Variants in MACROD2 observed in about 807,000 individuals in gnomAD.
MACROD2 encodes the protein ADP-ribose glycohydrolase MACROD2.
Under a neutral mutation model 70.4 loss-of-function variants are expected in MACROD2, and 36 were observed. The ratio of observed to expected loss-of-function variants is 0.51; its 90% CI spans 0.39 to 0.68. The LOEUF is 0.68. MACROD2 is among the 30% of genes least tolerant of loss of function. The pLI, the probability that MACROD2 is intolerant of heterozygous loss-of-function variation, is 0.00. For missense variants in MACROD2, 496 were observed against 538.4 expected (o/e 0.92, Z 0.78); for synonymous variants, 172 against 178.8 (o/e 0.96, Z 0.30).
chr20:14,024,819 T>G (rs1214060859), intron 2 of MACROD2, among the ~76,000 whole-genome samples: 1 of 152,160 alleles, frequency 6.6e-6, no homozygotes, highest in Non-Finnish European at 1.5e-5. Flanking sequence ...TCAGGGATAT[T>G]GCCTGAAATT....
intron 5 of MACROD2, among the ~76,000 whole-genome samples, chr20:14,710,285 T>C (rs2071322634): frequency 6.6e-6 from 1 of 152,220 alleles, no homozygotes; most frequent in Admixed American, 6.5e-5. Context: ...GGTAAAGTTC[T>C]GCCCATATGA....
intron 5 of MACROD2, among the ~76,000 whole-genome samples, chr20:15,126,042 T>G (rs755953074): frequency 6.6e-6 from 1 of 151,538 alleles, no homozygotes; most frequent in African/African-American, 2.4e-5. Context: ...ATTAAAAATA[T>G]TCCATAGTAT....
intron 8 of MACROD2, among the ~76,000 whole-genome samples, chr20:15,583,364 G>T (rs1466558294): frequency 6.6e-6 from 1 of 152,228 alleles, no homozygotes; most frequent in Non-Finnish European, 1.5e-5. Context: ...CAAAGCTAAT[G>T]TCCCTGAAGT....
intron 6 of MACROD2, among the ~76,000 whole-genome samples, chr20:15,358,103 C>T (rs1457669612): frequency 3.9e-5 from 6 of 152,062 alleles, no homozygotes; most frequent in Admixed American, 2.6e-4. Flanking sequence ...CCACCGCGCC[C>T]GGCCCTCAGT....
At chr20:14,559,731 A>G (rs1244990630) in intron 4 of MACROD2, among the ~76,000 whole-genome samples, 9 of 151,780 alleles carry the variant, frequency 5.9e-5, no homozygotes, top group Non-Finnish European at 2.9e-5. Flanking sequence ...CTGACCTCCA[A>G]ATTTTTACAA....
chr20:15,197,681 G>A (rs1156739167), intron 5 of MACROD2, among the ~76,000 whole-genome samples: 2 of 152,046 alleles, frequency 1.3e-5, no homozygotes, highest in East Asian at 3.9e-4. Context: ...ATTTTGAGAA[G>A]TTTCCAATCT....
At chr20:15,526,236 T>A (rs1333807122) in intron 8 of MACROD2, among the ~76,000 whole-genome samples, 1 of 152,128 alleles carries the variant, frequency 6.6e-6, no homozygotes, top group Non-Finnish European at 1.5e-5. Context: ...ATTGTATCCC[T>A]CATTCCCTTG....
chr20:14,969,757 T>G (rs978998560), intron 5 of MACROD2, among the ~76,000 whole-genome samples: 1 of 152,166 alleles, frequency 6.6e-6, no homozygotes, highest in African/African-American at 2.4e-5. Context: ...TTATATTAGA[T>G]TCAGCTGGAT....
At chr20:15,599,878 G>A (rs531261049) in intron 8 of MACROD2, among the ~76,000 whole-genome samples, 1 of 152,178 alleles carries the variant, frequency 6.6e-6, no homozygotes, top group Non-Finnish European at 1.5e-5. Context: ...CCTTCTCCAT[G>A]GAATGCTTTT....
intron 2 of MACROD2, among the ~76,000 whole-genome samples, chr20:14,003,262 A>G (rs2052761691): frequency 6.6e-6 from 1 of 152,200 alleles, no homozygotes; most frequent in African/African-American, 2.4e-5. Context: ...TCTGAAGGGA[A>G]AGATTAGGCC....
intron 12 of MACROD2, among the ~76,000 whole-genome samples, chr20:15,947,140 C>T (rs564761233): frequency 2.6e-5 from 4 of 152,250 alleles, no homozygotes; most frequent in Admixed American, 6.5e-5. Flanking sequence ...GGTTTTATAC[C>T]GAGACATTCA....
intron 5 of MACROD2, among the ~76,000 whole-genome samples, chr20:15,118,084 C>T (rs981660099): frequency 6.6e-6 from 1 of 152,016 alleles, no homozygotes; most frequent in Non-Finnish European, 1.5e-5. Context: ...TGAAGATATA[C>T]TAGTGTAAGG....
chr20:15,244,135 T>C (rs561752962), intron 6 of MACROD2, among the ~76,000 whole-genome samples: 2 of 152,300 alleles, frequency 1.3e-5, no homozygotes, highest in Non-Finnish European at 2.9e-5. Context: ...ATGGTGGAAA[T>C]AGTATATAAT....
chr20:15,161,831 A>C (rs1193785309), intron 5 of MACROD2, among the ~76,000 whole-genome samples: 2 of 152,062 alleles, frequency 1.3e-5, no homozygotes, highest in Admixed American at 1.3e-4. Flanking sequence ...GCATAGAATT[A>C]ATCACTCAAC....
intron 6 of MACROD2, among the ~76,000 whole-genome samples, chr20:15,320,400 C>A (rs2077862011): frequency 1.3e-5 from 2 of 152,110 alleles, no homozygotes; most frequent in African/African-American, 4.8e-5. Flanking sequence ...ATGGTTAATT[C>A]ATGTTCTTGA....
At chr20:14,614,229 T>G (rs995713659) in intron 4 of MACROD2, among the ~76,000 whole-genome samples, 4 of 152,118 alleles carry the variant, frequency 2.6e-5, no homozygotes, top group African/African-American at 9.7e-5. Flanking sequence ...TATAAAATGA[T>G]GACAATTATA....
intron 8 of MACROD2, among the ~76,000 whole-genome samples, chr20:15,526,810 T>C (rs2146539034): frequency 6.6e-6 from 1 of 152,332 alleles, no homozygotes. Context: ...AGGATGCCCT[T>C]CTTTCCTAAA....
At chr20:15,051,776 G>A (rs1288682789) in intron 5 of MACROD2, among the ~76,000 whole-genome samples, 3 of 144,854 alleles carry the variant, frequency 2.1e-5, no homozygotes, top group African/African-American at 2.6e-5. Flanking sequence ...TTTTGACGGA[G>A]TCTTTCTCTG....
chr20:15,466,056 A>G (rs1024396948), intron 7 of MACROD2, among the ~76,000 whole-genome samples: 2 of 151,700 alleles, frequency 1.3e-5, no homozygotes, highest in South Asian at 2.1e-4. Flanking sequence ...AGGAAATGAA[A>G]CAGAGTTATG....
Sources: allele counts gnomAD v4.1 joint callset (sites outside exome capture counted in the v4.1 genomes callset), GRCh38; gene constraint gnomAD v4.1.1; transcripts MANE v1.5; gene names NCBI Gene and HGNC (gene_info 2026-07-23, HGNC 2026-07-21).